Variants in ATXN1 observed in about 807,000 individuals in gnomAD.
The protein encoded by ATXN1 is ataxin 1.
In ATXN1, 8 loss-of-function variants were observed where a neutral mutation model predicts 56.4. That is an observed-to-expected ratio of 0.14 (90% confidence interval 0.08 to 0.26). ATXN1 has a LOEUF of 0.26. ATXN1 is among the 10% of genes least tolerant of loss of function. The pLI is 1.00. For synonymous variants in ATXN1, 514 were observed against 494.6 expected, an observed-to-expected ratio of 1.04 and a Z score of -0.52; for missense variants, 987 against 1,106.5, an observed-to-expected ratio of 0.89 and a Z score of 1.53.
intron 6 of ATXN1, among the ~76,000 whole-genome samples, chr6:16,340,350 T>C (rs549094817): frequency 6.6e-6 from 1 of 152,296 alleles, no homozygotes; most frequent in African/African-American, 2.4e-5. Context: ...TGAGCTCCAA[T>C]AAAAACTCTA....
At chr6:16,668,811 T>C (rs894774836) in intron 2 of ATXN1, among the ~76,000 whole-genome samples, 2 of 148,398 alleles carry the variant, frequency 1.3e-5, no homozygotes, top group African/African-American at 5.3e-5. Flanking sequence ...TTATTTTATT[T>C]ACTTTATTTT....
chr6:16,372,662 C>T (rs1218602623), intron 6 of ATXN1, among the ~76,000 whole-genome samples: 1 of 152,116 alleles, frequency 6.6e-6, no homozygotes, highest in East Asian at 1.9e-4. Flanking sequence ...GTCTGTAATC[C>T]AAGCTCTTTG....
At chr6:16,556,185 T>C (rs1762009207) in intron 4 of ATXN1, among the ~76,000 whole-genome samples, 2 of 152,214 alleles carry the variant, frequency 1.3e-5, no homozygotes, top group Admixed American at 1.3e-4. Context: ...CAATTAGTGT[T>C]TTGTGTCATT....
chr6:16,604,167 T>C (rs1173445197), intron 3 of ATXN1, among the ~76,000 whole-genome samples: 2 of 151,904 alleles, frequency 1.3e-5, no homozygotes, highest in African/African-American at 4.8e-5. Flanking sequence ...CAGATGGAAA[T>C]GCTTCTCAAG....
chr6:16,345,507 C>G (rs1010547297), intron 6 of ATXN1, among the ~76,000 whole-genome samples: 1 of 152,208 alleles, frequency 6.6e-6, no homozygotes, highest in Non-Finnish European at 1.5e-5. Flanking sequence ...ATCAGCTGTA[C>G]ACATCGGCCA....
At chr6:16,512,188 G>C (rs991654076) in intron 5 of ATXN1, among the ~76,000 whole-genome samples, 5 of 152,228 alleles carry the variant, frequency 3.3e-5, no homozygotes, top group Admixed American at 2.6e-4. Context: ...CACCACGGCA[G>C]ATATGAAAGG....
chr6:16,636,914 C>T (rs1763607933), intron 3 of ATXN1, among the ~76,000 whole-genome samples: 1 of 152,156 alleles, frequency 6.6e-6, no homozygotes, highest in Admixed American at 6.5e-5. Context: ...CAAACTAGTT[C>T]AACCATTGTG....
At position 16,521,163 on chromosome 6, in the gene ATXN1, G is replaced by A. The variant is rs138865765; in HGVS notation, c.-299+1464C>T. The stretch of plus-strand genomic sequence containing the variant: ...AACAAACAAACAAACCACACACACA[G>A]TCAAGTTTACCTTCTGGGATTCTAA... On this transcript the variant is annotated intron_variant, in intron 5 of 7. Coordinates refer to ENST00000436367, the MANE Select transcript of ATXN1 (RefSeq NM_001128164.2). Among the ~76,000 whole-genome samples the A allele has an allele frequency of 3.3e-3, 501 of 152,184 alleles. 1 individual carries two copies. The highest frequency in any genetic ancestry group is 0.012 in the African/African-American group (489 of 41,514).
In ATXN1 at chr6:16,484,967, G is replaced by C. The variant is rs55803813; in HGVS notation, c.-161+1005C>G. On this transcript the variant is annotated intron_variant, in intron 6 of 7. Coordinates refer to ENST00000436367, the MANE Select transcript of ATXN1 (RefSeq NM_001128164.2). ...TATATATGTGTGTGTGTGTGTGTGT[G>C]TGTGTGTGTGTGTGTGTGTGTGTGT... Among the ~76,000 whole-genome samples, 224 of 126,618 alleles carry C rather than the reference G, an allele frequency of 1.8e-3. 1 individual carries two copies. The highest frequency in any genetic ancestry group is 5.8e-3 in the African/African-American group (216 of 37,334). The allele number at this position is 126,618 out of a possible 152,430, so 83.1% of individuals were successfully genotyped here.
chr6:16,540,060 C>T (rs959379267), intron 4 of ATXN1, among the ~76,000 whole-genome samples: 12 of 152,152 alleles, frequency 7.9e-5, no homozygotes, highest in African/African-American at 2.9e-4. Context: ...TCCGCTCGAA[C>T]ACGGGATGCA....
chr6:16,679,159 G>A (rs1758747836), intron 2 of ATXN1, among the ~76,000 whole-genome samples: 1 of 151,900 alleles, frequency 6.6e-6, no homozygotes, highest in South Asian at 2.1e-4. Flanking sequence ...TGGGTGGATG[G>A]ATGAATAGAT....
intron 7 of ATXN1, among the ~76,000 whole-genome samples, chr6:16,316,436 T>C (rs2113389527): frequency 6.6e-6 from 1 of 152,216 alleles, no homozygotes. Context: ...TAGCAAGTAA[T>C]AGGTGCTCAG....
At chr6:16,547,141 G>C (rs900237785) in intron 4 of ATXN1, among the ~76,000 whole-genome samples, 1 of 152,144 alleles carries the variant, frequency 6.6e-6, no homozygotes, top group Non-Finnish European at 1.5e-5. Flanking sequence ...ATATTCTCAC[G>C]AAAGTGTCCA....
intron 6 of ATXN1, among the ~76,000 whole-genome samples, chr6:16,474,835 T>TATAC (rs1422949273): frequency 4.1e-4 from 60 of 146,910 alleles, no homozygotes; most frequent in African/African-American, 1.4e-3. Context: ...TGTGTGTGCA[T>TATAC]ACACACACAC....
At chr6:16,672,439 CACA>C (rs1242017847) in intron 2 of ATXN1, among the ~76,000 whole-genome samples, 2 of 152,148 alleles carry the variant, frequency 1.3e-5, no homozygotes, top group African/African-American at 2.4e-5. Flanking sequence ...CTGTGGTAGG[CACA>C]ACAAGGGACC....
At chr6:16,397,825 T>C (rs1758486691) in intron 6 of ATXN1, among the ~76,000 whole-genome samples, 1 of 152,218 alleles carries the variant, frequency 6.6e-6, no homozygotes, top group South Asian at 2.1e-4. Flanking sequence ...GAATACTATC[T>C]TCAAGAACAA....
intron 5 of ATXN1, among the ~76,000 whole-genome samples, chr6:16,508,464 T>G (rs530415523): frequency 6.6e-6 from 1 of 152,298 alleles, no homozygotes; most frequent in East Asian, 1.9e-4. Flanking sequence ...AAGGATGGCA[T>G]AAATATGAAC....
chr6:16,477,223 G>A (rs1466640757), intron 6 of ATXN1, among the ~76,000 whole-genome samples: 2 of 152,194 alleles, frequency 1.3e-5, no homozygotes, highest in Non-Finnish European at 2.9e-5. Context: ...CAAACCCATT[G>A]CCTAGGGGCT....
intron 6 of ATXN1, among the ~76,000 whole-genome samples, chr6:16,368,278 C>G (rs1046589766): frequency 2.0e-5 from 3 of 151,316 alleles, no homozygotes; most frequent in Admixed American, 6.6e-5. Flanking sequence ...GGACTGCTTA[C>G]CTCTCAAAAC....
Sources: gnomAD v4.1 joint callset for allele counts (sites outside exome capture counted in the v4.1 genomes callset) on GRCh38, gnomAD v4.1.1 for gene constraint, MANE v1.5 for transcripts, NCBI Gene and HGNC (gene_info 2026-07-23, HGNC 2026-07-21) for gene names.